MYH10: variants seen among roughly 807,000 people sequenced by gnomAD.
MYH10 encodes myosin heavy chain 10, also known as myosin-10.
In MYH10, 55 loss-of-function variants were observed where a neutral mutation model predicts 257.8. The ratio of observed to expected loss-of-function variants is 0.21; its 90% CI spans 0.17 to 0.27. The LOEUF (loss-of-function observed/expected upper bound fraction) is 0.27. Among genes scored for constraint, MYH10 ranks in the 10% least tolerant of loss-of-function variants. MYH10 has a pLI of 1.00. For synonymous variants in MYH10, 854 were observed against 921.7 expected, an observed-to-expected ratio of 0.93 and a Z score of 1.33; for missense variants, 1,631 against 2,500.6, an observed-to-expected ratio of 0.65 and a Z score of 7.42.
At chr17:8,503,662 TCAC>T (rs770255599) in intron 28 of MYH10, among the ~76,000 whole-genome samples, 44 of 152,220 alleles carry the variant, frequency 2.9e-4, no homozygotes, top group Non-Finnish European at 5.7e-4. Context: ...GCACTGGTTT[TCAC>T]CACAACCTGT....
chr17:8,605,483 C>T (rs796605840), intron 2 of MYH10, among the ~76,000 whole-genome samples: 7 of 152,278 alleles, frequency 4.6e-5, no homozygotes, highest in African/African-American at 1.7e-4. Flanking sequence ...CGGTGGCTCA[C>T]GCCTGTAATC....
Position 8,617,754 on chromosome 17 carries a change from G to C in MYH10, c.345+5148C>G, listed in dbSNP as rs374957302. Among the ~76,000 whole-genome samples, 156 of 152,064 alleles carry C rather than the reference G, an allele frequency of 1.0e-3. 4 individuals are homozygous for C. Among genetic ancestry groups the C allele is most frequent in the African/African-American group, 3.7e-3 (153 of 41,458 alleles). Reference sequence around the variant, plus strand: ...AGTGGAGTAGGCAGATAAATTCATTGGGTCAAAAATATTATGATGGAATAC... The same window carrying C: ...AGTGGAGTAGGCAGATAAATTCATTCGGTCAAAAATATTATGATGGAATAC... On this transcript the variant is annotated intron_variant, in intron 2 of 42. Transcript: ENST00000360416.
Position 8,475,672 on chromosome 17 carries a change from C to T in MYH10, c.*132G>A. The T allele has an allele frequency of 9.3e-7, 1 of 1,080,704 alleles. No homozygotes were observed. Among genetic ancestry groups the T allele is most frequent in the Non-Finnish European group, 1.3e-6 (1 of 742,480 alleles). 66.9% of individuals were successfully genotyped at this position (1,080,704 alleles called of 1,614,324 possible). A position where few individuals can be genotyped will look rare whatever the true frequency, so the allele number is the denominator to read the frequency against. On this transcript the variant is annotated 3_prime_UTR_variant, in exon 43 of 43. Coordinates refer to ENST00000360416, the MANE Select transcript of MYH10 (RefSeq NM_001256012.3). The stretch of plus-strand genomic sequence containing the variant: ...TGAAGCAGGATACAGTATGCATAGG[C>T]TGGAGAGCCTTAAGACACAGTTGAT...
intron 6 of MYH10, among the ~76,000 whole-genome samples, chr17:8,570,733 T>TG (rs1357954564): frequency 6.6e-6 from 1 of 152,198 alleles, no homozygotes; most frequent in Non-Finnish European, 1.5e-5. Flanking sequence ...GCAAAAAAGA[T>TG]GAATATAAAG....
intron 41 of MYH10, 34 bp downstream of exon 41, chr17:8,478,304 C>G (rs781164319): frequency 7.7e-6 from 12 of 1,567,872 alleles, no homozygotes; most frequent in African/African-American, 2.7e-5. Context: ...TTCCTTTGCT[C>G]ACGCGCTTCC....
chr17:8,478,519 C>G, intron 40 of MYH10, 73 bp from the exon 41 acceptor site: 1 of 1,433,904 alleles, frequency 7.0e-7, no homozygotes, highest in Non-Finnish European at 9.8e-7. Flanking sequence ...TTTTTTAAAG[C>G]CCCTTTTCTT....
At chr17:8,508,507 ACACT>A (rs2081151020) in intron 26 of MYH10, 43 bp downstream of exon 26, 5 of 1,610,236 alleles carry the variant, frequency 3.1e-6, no homozygotes, top group Admixed American at 1.7e-5. Context: ...TAAAAGCTAA[ACACT>A]CACATGTCCT....
chr17:8,553,843 C>A, intron 8 of MYH10, 112 bp downstream of exon 8: 1 of 825,698 alleles, frequency 1.2e-6, no homozygotes, highest in East Asian at 2.5e-5. Flanking sequence ...TATCTCTGGG[C>A]TCAAGTTTTA....
rs936011200 is a variant in MYH10 at position 8,504,264 on chromosome 17, G to A, written c.3599+430C>T. ...TGAAGGCACCCTTCCCTTTTCAGCT[G>A]GTTACCTACACCGTTCACACCACCT... On this transcript the variant is annotated intron_variant, in intron 28 of 42. Coordinates refer to ENST00000360416, the MANE Select transcript of MYH10 (RefSeq NM_001256012.3). This position sits in a 1 kb window ranked among gnomAD's most constrained non-coding sequence, Gnocchi z 5.6. Among the ~76,000 whole-genome samples, 1 of 152,054 alleles carries A rather than the reference G, an allele frequency of 6.6e-6. No homozygotes were observed. The highest frequency in any genetic ancestry group is 1.5e-5 in the Non-Finnish European group (1 of 68,010).
At chr17:8,580,916 GA>G (rs1165643857) in intron 4 of MYH10, among the ~76,000 whole-genome samples, 1 of 152,050 alleles carries the variant, frequency 6.6e-6, no homozygotes, top group East Asian at 1.9e-4. Flanking sequence ...ACACTAAAAG[GA>G]AAAAGAGAAG....
At chr17:8,476,309 C>T (rs763880954) in intron 42 of MYH10, among the ~76,000 whole-genome samples, 60 of 152,338 alleles carry the variant, frequency 3.9e-4, no homozygotes, top group Non-Finnish European at 5.4e-4. Flanking sequence ...TTCTTTGTTT[C>T]GGCGTTTTTA....
chr17:8,512,110 G>A (rs973789199), intron 24 of MYH10, among the ~76,000 whole-genome samples: 1 of 152,202 alleles, frequency 6.6e-6, no homozygotes, highest in Non-Finnish European at 1.5e-5. Flanking sequence ...CTAATGAATG[G>A]AGTGAGCAAC....
At position 8,490,316 on chromosome 17, in the gene MYH10, TGGAG is replaced by T. The variant is rs756385752; in HGVS notation, c.4884+20_4884+23del. On this transcript the variant is annotated intron_variant, in intron 35 of 42. Coordinates refer to ENST00000360416, the MANE Select transcript of MYH10 (RefSeq NM_001256012.3). The surrounding 1 kb of genome is among the most constrained non-coding windows in gnomAD (Gnocchi z 4.1). ...CTTTGAGAGCCTGCACCCCTTGTTG[TGGAG>T]GCCGCACCCTCTGCCCTACCTGTTT... 6.2e-7 allele frequency: 1 copy of T among 1,609,070 alleles called. No homozygotes were observed. The highest frequency in any genetic ancestry group is 1.7e-5 in the Admixed American group (1 of 60,010).
intron 14 of MYH10, among the ~76,000 whole-genome samples, chr17:8,540,830 A>G (rs1466774884): frequency 1.3e-5 from 2 of 152,228 alleles, no homozygotes; most frequent in African/African-American, 2.4e-5. Context: ...TAGGCAACAA[A>G]GCAGTGATGA....
At chr17:8,543,441 A>T (rs1193212122) in intron 13 of MYH10, among the ~76,000 whole-genome samples, 1 of 149,352 alleles carries the variant, frequency 6.7e-6, no homozygotes, top group Non-Finnish European at 1.5e-5. Context: ...GGATGATGAC[A>T]TCCTATTGCT....
At chr17:8,617,962 C>A (rs895700095) in intron 2 of MYH10, among the ~76,000 whole-genome samples, 1 of 151,994 alleles carries the variant, frequency 6.6e-6, no homozygotes, top group Admixed American at 6.5e-5. Context: ...ACATTTCTTA[C>A]GAAAAATAAC....
chr17:8,483,157 T>G (rs907290495), intron 37 of MYH10, among the ~76,000 whole-genome samples: 1 of 152,198 alleles, frequency 6.6e-6, no homozygotes, highest in African/African-American at 2.4e-5. Flanking sequence ...TAGAAAAATT[T>G]AGAATTACAT....
intron 3 of MYH10, among the ~76,000 whole-genome samples, chr17:8,590,008 TCAA>T (rs917073981): frequency 3.9e-5 from 6 of 152,212 alleles, no homozygotes; most frequent in African/African-American, 1.4e-4. Context: ...GTGTGTGTTC[TCAA>T]CAATACGAAA....
chr17:8,594,811 T>C (rs404224), intron 3 of MYH10, among the ~76,000 whole-genome samples: 147,792 of 152,332 alleles, frequency 0.97, 71,865 homozygotes, highest in Middle Eastern at 1. Context: ...TATAATAGTA[T>C]AATGAAAATG....
Sources: gnomAD v4.1 joint callset for allele counts (sites outside exome capture counted in the v4.1 genomes callset) on GRCh38, gnomAD v4.1.1 for gene constraint, Gnocchi (gnomAD v3.1) non-coding constraint, MANE v1.5 for transcripts, NCBI Gene and HGNC (gene_info 2026-07-23, HGNC 2026-07-21) for gene names.